TMEM132D: variants seen among roughly 807,000 people sequenced by gnomAD.
TMEM132D encodes the protein mature OL transmembrane protein.
In TMEM132D, 21 loss-of-function variants were observed where a neutral mutation model predicts 62.3. The observed-to-expected ratio is 0.34, with a 90% CI of 0.24 to 0.49. The LOEUF is 0.49. Ranked by LOEUF, TMEM132D falls within the 20% of genes least tolerant of loss-of-function variation. The probability of loss-of-function intolerance (pLI) is 0.99; values close to 1 mark genes in which losing one functional copy is unlikely to be tolerated. For synonymous variants in TMEM132D, 621 were observed against 575.6 expected, an observed-to-expected ratio of 1.08 and a Z score of -1.13; for missense variants, 1,346 against 1,402.8, an observed-to-expected ratio of 0.96 and a Z score of 0.65.
intron 2 of TMEM132D, among the ~76,000 whole-genome samples, chr12:129,544,177 G>A (rs1876669677): frequency 6.6e-6 from 1 of 152,164 alleles, no homozygotes; most frequent in Non-Finnish European, 1.5e-5. Flanking sequence ...CATTAAGTCT[G>A]AGTGGTATTG....
intron 1 of TMEM132D, among the ~76,000 whole-genome samples, chr12:129,757,655 G>A (rs964043183): frequency 3.3e-5 from 5 of 152,130 alleles, no homozygotes; most frequent in African/African-American, 1.2e-4. Flanking sequence ...TTCCTCCAGA[G>A]CTGCCACCCT....
intron 4 of TMEM132D, among the ~76,000 whole-genome samples, chr12:129,270,309 G>T (rs993126499): frequency 2.6e-5 from 4 of 152,108 alleles, no homozygotes; most frequent in Non-Finnish European, 2.9e-5. Context: ...ATCTGGTCTG[G>T]TTACCATAGA....
intron 4 of TMEM132D, among the ~76,000 whole-genome samples, chr12:129,219,449 A>G (rs1367630875): frequency 6.6e-6 from 1 of 152,176 alleles, no homozygotes; most frequent in East Asian, 1.9e-4. Flanking sequence ...AGGGAATGAC[A>G]AGTCTTCGCT....
At chr12:129,122,116 A>T (rs1470059917) in intron 5 of TMEM132D, among the ~76,000 whole-genome samples, 1 of 152,198 alleles carries the variant, frequency 6.6e-6, no homozygotes, top group Admixed American at 6.5e-5. Flanking sequence ...GTGTGACTCC[A>T]TGTGGCTGTC....
intron 3 of TMEM132D, among the ~76,000 whole-genome samples, chr12:129,485,340 C>A (rs1033046825): frequency 1.3e-5 from 2 of 152,202 alleles, no homozygotes; most frequent in African/African-American, 4.8e-5. Context: ...CACTTTCAGC[C>A]TGCCCATGGA....
At chr12:129,901,815 T>C (rs1875361006) in intron 1 of TMEM132D, among the ~76,000 whole-genome samples, 2 of 150,964 alleles carry the variant, frequency 1.3e-5, no homozygotes, top group Admixed American at 6.6e-5. Flanking sequence ...TATTGCAGCA[T>C]AAACACAAAG....
chr12:129,075,722 TCCACCCAAC>T (rs1201099050), intron 8 of TMEM132D, among the ~76,000 whole-genome samples: 1 of 152,328 alleles, frequency 6.6e-6, no homozygotes, highest in East Asian at 1.9e-4. Context: ...CATCTCTTCC[TCCACCCAAC>T]CCAACTGGAG....
intron 5 of TMEM132D, among the ~76,000 whole-genome samples, chr12:129,193,819 C>A (rs1878475955): frequency 6.6e-6 from 1 of 152,222 alleles, no homozygotes; most frequent in African/African-American, 2.4e-5. Flanking sequence ...TCCTCCAACG[C>A]TATCAGATGT....
chr12:129,337,443 A>ACACACACACACACACG (rs1869326015), intron 4 of TMEM132D, among the ~76,000 whole-genome samples, 191 bp downstream of exon 4: 1 of 67,876 alleles, frequency 1.5e-5, no homozygotes, highest in Non-Finnish European at 3.6e-5. Context: ...ACACACACGC[A>ACACACACACACACACG]CACACACACA....
At chr12:129,421,628 C>T (rs145658028) in intron 3 of TMEM132D, among the ~76,000 whole-genome samples, 2 of 152,154 alleles carry the variant, frequency 1.3e-5, no homozygotes, top group Non-Finnish European at 2.9e-5. Context: ...CTACTAGCAG[C>T]CCTGATGTCC....
At chr12:129,837,181 T>TTTTTATAGA (rs1428805507) in intron 1 of TMEM132D, among the ~76,000 whole-genome samples, 2 of 152,230 alleles carry the variant, frequency 1.3e-5, no homozygotes, top group Non-Finnish European at 2.9e-5. Context: ...AGTAATTATT[T>TTTTTATAGA]TTTTATAGAT....
At chr12:129,835,591 T>C (rs1330872712) in intron 1 of TMEM132D, among the ~76,000 whole-genome samples, 1 of 152,174 alleles carries the variant, frequency 6.6e-6, no homozygotes, top group East Asian at 1.9e-4. Flanking sequence ...ACACCGAGCC[T>C]GTGCATGAGG....
intron 4 of TMEM132D, among the ~76,000 whole-genome samples, chr12:129,288,638 T>C (rs192566833): frequency 5.3e-4 from 80 of 152,308 alleles, no homozygotes; most frequent in Non-Finnish European, 1.2e-4. Context: ...ATTTGATCCC[T>C]TGTACACTCT....
intron 3 of TMEM132D, among the ~76,000 whole-genome samples, chr12:129,519,100 T>A (rs1334789007): frequency 6.6e-6 from 1 of 152,200 alleles, no homozygotes; most frequent in Non-Finnish European, 1.5e-5. Flanking sequence ...TCTTACCTGT[T>A]TTAAGAAATC....
intron 1 of TMEM132D, among the ~76,000 whole-genome samples, chr12:129,750,374 C>T (rs7968433): frequency 0.47 from 70,981 of 152,086 alleles, 17,112 homozygotes; most frequent in Middle Eastern, 0.55. Context: ...CGTGAGCTAC[C>T]GCGCCCAGCC....
At chr12:129,570,105 C>T (rs963382271) in intron 2 of TMEM132D, among the ~76,000 whole-genome samples, 6 of 152,078 alleles carry the variant, frequency 3.9e-5, no homozygotes, top group South Asian at 2.1e-4. Context: ...TTTAATGGTA[C>T]GATACAAGAG....
At chr12:129,498,830 T>C (rs928039053) in intron 3 of TMEM132D, among the ~76,000 whole-genome samples, 8 of 152,180 alleles carry the variant, frequency 5.3e-5, no homozygotes, top group African/African-American at 1.9e-4. Flanking sequence ...TACTACATTA[T>C]GGAATCTAAG....
At chr12:129,201,894 A>G (rs532057385) in intron 5 of TMEM132D, among the ~76,000 whole-genome samples, 36 of 152,262 alleles carry the variant, frequency 2.4e-4, no homozygotes, top group African/African-American at 8.4e-4. Flanking sequence ...ATCATGTGAC[A>G]ATTTTTTTTA....
chr12:129,073,757 A>G lies in TMEM132D; in HGVS notation c.*118T>C. On this transcript the variant is annotated 3_prime_UTR_variant, in exon 9 of 9. Coordinates refer to ENST00000422113, the MANE Select transcript of TMEM132D (RefSeq NM_133448.3). The stretch of plus-strand genomic sequence containing the variant: ...GGGGTCATTGGCTGAGGCTGTATGG[A>G]TAGTGTCATCCTTATTTTGTCCTGC... The G allele has an allele frequency of 5.3e-6, 5 of 942,184 alleles. No homozygotes were observed. Among genetic ancestry groups the G allele is most frequent in the Non-Finnish European group, 7.9e-6 (5 of 630,732 alleles). The allele number at this position is 942,184 out of a possible 1,614,324, so 58.4% of individuals were successfully genotyped here. A position where few individuals can be genotyped will look rare whatever the true frequency, so the allele number is the denominator to read the frequency against.
Sources: allele counts gnomAD v4.1 joint callset (sites outside exome capture counted in the v4.1 genomes callset), GRCh38; gene constraint gnomAD v4.1.1; transcripts MANE v1.5; gene names NCBI Gene and HGNC (gene_info 2026-07-23, HGNC 2026-07-21).